The following VSIG1 variants were observed in gnomAD, a reference collection of about 807,000 sequenced individuals.
VSIG1 encodes the protein V-set and immunoglobulin domain-containing protein 1.
In VSIG1, 11 loss-of-function variants were observed where a neutral mutation model predicts 20.1. That is an observed-to-expected ratio of 0.55 (90% CI 0.34 to 0.91). VSIG1 has a LOEUF of 0.91. Ranked by LOEUF, VSIG1 falls within the 40% of genes least tolerant of loss-of-function variation. The probability of loss-of-function intolerance (pLI) is 0.02; values close to 1 mark genes in which losing one functional copy is unlikely to be tolerated. For synonymous variants in VSIG1, 126 were observed against 116.7 expected, an observed-to-expected ratio of 1.08 and a Z score of -0.52; for missense variants, 283 against 298.8, an observed-to-expected ratio of 0.95 and a Z score of 0.39.
At chrX:108,068,776 CA>C (rs2031182962) in intron 3 of VSIG1, among the ~76,000 whole-genome samples, 1 of 111,752 alleles carries the variant, frequency 8.9e-6, no homozygotes, top group Non-Finnish European at 1.9e-5. Flanking sequence ...TAGTTATATA[CA>C]TGGGAACTAA....
chrX:108,063,130 A>C (rs1440359355), intron 2 of VSIG1, among the ~76,000 whole-genome samples: 1 of 112,051 alleles, frequency 8.9e-6, no homozygotes, highest in Admixed American at 9.4e-5. Context: ...TGCAGCTGGC[A>C]AATATTGAGG....
chrX:108,032,480 T>C, the VSIG1 span, among the ~76,000 whole-genome samples: 2 of 111,639 alleles, frequency 1.8e-5, no homozygotes, highest in Admixed American at 1.9e-4. Context: ...AGAAAGACAC[T>C]AAACACAGTA....
At chrX:108,041,553 CGTGTGTGTGTGTGTGTGT>C (rs371173365), upstream of VSIG1, among the ~76,000 whole-genome samples, 1 of 99,989 alleles carries the variant, frequency 1.0e-5, no homozygotes, top group Non-Finnish European at 2.0e-5. Flanking sequence ...TAAAAAACCT[CGTGTGTGTGTGTGTGTGT>C]GTGTGTGTGT....
chrX:108,040,863 CGTGT>C (rs1160406496), upstream of VSIG1, among the ~76,000 whole-genome samples: 1 of 108,594 alleles, frequency 9.2e-6, no homozygotes, highest in Non-Finnish European at 1.9e-5. Context: ...TAAAAAACCT[CGTGT>C]GTGTGTGTGT....
At chrX:108,037,874 A>G in the VSIG1 span, among the ~76,000 whole-genome samples, 53,572 of 110,300 alleles carry the variant, frequency 0.49, 10,132 homozygotes, top group African/African-American at 0.65. Context: ...TATTATGTGA[A>G]AAAGTAATGA....
chrX:108,022,929 A>G, the VSIG1 span, among the ~76,000 whole-genome samples: 1 of 111,665 alleles, frequency 9.0e-6, no homozygotes, highest in Non-Finnish European at 1.9e-5. Context: ...TCACCATGTG[A>G]CACATCTGCC....
At chrX:108,072,964 G>A (rs2031280300) in intron 4 of VSIG1, 132 bp downstream of exon 4, 4 of 704,288 alleles carry the variant, frequency 5.7e-6, no homozygotes, top group Non-Finnish European at 8.2e-6. Flanking sequence ...GTGGAGGGGG[G>A]CGGCTGGTAA....
rs1210801313 is a variant in VSIG1 at position 108,073,168 on chromosome X, G to A, written c.569-82G>A. 4 of 1,085,132 alleles carry A rather than the reference G, an allele frequency of 3.7e-6. No individual in the cohort carries two copies. The East Asian group carries it at 1.2e-4, about 33-fold the overall frequency. The allele number at this position is 1,085,132 out of a possible 1,213,427, so 89.4% of individuals were successfully genotyped here. ...AAGAGAGGCCAATATGGGGGAGTGG[G>A]TGGACATTGAGTGATCTGTTACACT... is the stretch of plus-strand genomic sequence containing the variant. On this transcript the variant is annotated intron_variant, in intron 4 of 6. Transcript: ENST00000217957.
chrX:108,068,242 T>C (rs1363247197), intron 3 of VSIG1, among the ~76,000 whole-genome samples: 1 of 111,136 alleles, frequency 9.0e-6, no homozygotes, highest in Non-Finnish European at 1.9e-5. Flanking sequence ...TTTTTAAGAG[T>C]GGGTTAGCTT....
At chrX:108,069,136 A>T (rs951826143) in intron 3 of VSIG1, among the ~76,000 whole-genome samples, 1 of 111,548 alleles carries the variant, frequency 9.0e-6, no homozygotes, top group Non-Finnish European at 1.9e-5. Context: ...CCTGAGATAA[A>T]GTTAGACAAG....
At chrX:108,074,682 T>G (rs1268879893) in intron 5 of VSIG1, among the ~76,000 whole-genome samples, 2 of 112,100 alleles carry the variant, frequency 1.8e-5, no homozygotes, top group Non-Finnish European at 3.8e-5. Flanking sequence ...AGGAAAATTA[T>G]GCTTATAGAA....
the VSIG1 span, among the ~76,000 whole-genome samples, chrX:108,019,381 G>A: frequency 1.9e-4 from 21 of 112,475 alleles, no homozygotes; most frequent in Admixed American, 1.9e-4. Context: ...CTGCCCCCCC[G>A]TGTTGCATAT....
At chrX:108,057,966 G>C in intron 1 of VSIG1, 72 bp from the exon 2 acceptor site, 1 of 997,286 alleles carries the variant, frequency 1.0e-6, no homozygotes, top group Non-Finnish European at 1.4e-6. Flanking sequence ...GTCTTTGTAA[G>C]TGTTCTGTGA....
chrX:108,073,158 G>A, intron 4 of VSIG1, 92 bp from the exon 5 acceptor site: 1 of 1,038,277 alleles, frequency 9.6e-7, no homozygotes, highest in East Asian at 3.0e-5. Flanking sequence ...AGGCCAATAT[G>A]GGGGAGTGGG....
At chrX:108,046,121 C>T (rs1431319989) in intron 1 of VSIG1, among the ~76,000 whole-genome samples, 1 of 111,107 alleles carries the variant, frequency 9.0e-6, no homozygotes, top group Admixed American at 9.5e-5. Context: ...ATTTTATTTC[C>T]CAGCTTTTCA....
chrX:108,054,840 C>G (rs955097241), intron 1 of VSIG1, among the ~76,000 whole-genome samples: 3 of 108,252 alleles, frequency 2.8e-5, no homozygotes, highest in Non-Finnish European at 5.7e-5. Context: ...ATTTCTAACA[C>G]TAAATGTTTA....
Position 108,061,575 on chromosome X carries a change from G to A in VSIG1, c.213+3374G>A, listed in dbSNP as rs199944383. ...TGGTGTACTACTGGACTTCTTCATT[G>A]TTTGGAGACTCCAGGGCACTGGCAC... On this transcript the variant is annotated intron_variant, in intron 2 of 6. Coordinates refer to ENST00000217957, the MANE Select transcript of VSIG1 (RefSeq NM_182607.5). The A allele has an allele frequency of 1.3e-5, 14 of 1,062,314 alleles. No homozygotes were observed. In the Admixed American group the frequency reaches 3.1e-4, roughly 24 times the overall value. 87.5% of individuals were successfully genotyped at this position (1,062,314 alleles called of 1,213,427 possible). A position where few individuals can be genotyped will look rare whatever the true frequency, so the allele number is the denominator to read the frequency against.
the VSIG1 span, among the ~76,000 whole-genome samples, chrX:108,032,735 AT>A: frequency 9.0e-6 from 1 of 111,620 alleles, no homozygotes; most frequent in African/African-American, 3.3e-5. Flanking sequence ...TGTTTGAGGA[AT>A]AAAAAGGAGG....
At chrX:108,025,996 TTA>T in the VSIG1 span, among the ~76,000 whole-genome samples, 1 of 112,788 alleles carries the variant, frequency 8.9e-6, no homozygotes, top group African/African-American at 3.2e-5. Flanking sequence ...TTTTCCAGGG[TTA>T]TGAGTCTTGT....
Sources: allele counts gnomAD v4.1 joint callset (sites outside exome capture counted in the v4.1 genomes callset), GRCh38; gene constraint gnomAD v4.1.1; transcripts MANE v1.5; gene names NCBI Gene and HGNC (gene_info 2026-07-23, HGNC 2026-07-21).